MLIP: variants seen among roughly 807,000 people sequenced by gnomAD.
MLIP encodes the protein muscular LMNA-interacting protein.
A neutral mutation model predicts 84.8 loss-of-function variants in MLIP; 79 were observed. That is an observed-to-expected ratio of 0.93 (90% CI 0.78 to 1.12). MLIP has a LOEUF of 1.12. MLIP is among the 50% of genes most tolerant of loss of function. The pLI is 0.00. For synonymous variants in MLIP, 504 were observed against 463.0 expected, an observed-to-expected ratio of 1.09 and a Z score of -1.14; for missense variants, 1,257 against 1,160.6, an observed-to-expected ratio of 1.08 and a Z score of -1.21.
intron 4 of MLIP, among the ~76,000 whole-genome samples, chr6:54,147,225 A>T (rs1269890617): frequency 6.6e-6 from 1 of 152,196 alleles, no homozygotes; most frequent in African/African-American, 2.4e-5. Flanking sequence ...CGTATATTGG[A>T]CACAGGCAGG....
intron 1 of MLIP, among the ~76,000 whole-genome samples, chr6:54,092,090 G>C (rs948248764): frequency 2.0e-5 from 3 of 152,066 alleles, no homozygotes; most frequent in African/African-American, 7.2e-5. Flanking sequence ...CCAAGAGAGA[G>C]GATTAAAAAT....
rs114880533 is a variant in MLIP, at chr6:54,232,549, C to T, written c.2922+1632C>T. Among the ~76,000 whole-genome samples, 320 of 152,216 alleles carry T rather than the reference C, an allele frequency of 2.1e-3. 2 individuals are homozygous for T. The highest frequency in any genetic ancestry group is 7.4e-3 in the African/African-American group (306 of 41,540). On this transcript the variant is annotated intron_variant, in intron 12 of 13. Coordinates refer to ENST00000502396, the MANE Select transcript of MLIP (RefSeq NM_001281747.2). ...TAATAATAATAAGATAGTAATACAACATTTTTAATGGAATGTTCACTTGCT... is the reference window on the plus strand; with the variant it reads ...TAATAATAATAAGATAGTAATACAATATTTTTAATGGAATGTTCACTTGCT...
At chr6:54,108,457 CT>C (rs1769179680), upstream of MLIP, among the ~76,000 whole-genome samples, 1 of 152,100 alleles carries the variant, frequency 6.6e-6, no homozygotes, top group Non-Finnish European at 1.5e-5. Context: ...AGAATGGTTT[CT>C]ATAGAAATTA....
At chr6:54,088,288 T>A (rs913320873) in intron 1 of MLIP, among the ~76,000 whole-genome samples, 2 of 152,098 alleles carry the variant, frequency 1.3e-5, no homozygotes, top group Non-Finnish European at 2.9e-5. Flanking sequence ...CTGGCCTAAG[T>A]GGGAGCACCA....
rs150367831 is a variant in MLIP at position 54,074,773 on chromosome 6, C to T, written c.64-46674C>T. ...CTTGGGCAAATATTCAGTTTTGCTG[C>T]CTTTAAAATGGGGGAAAATATGGAG... On this transcript the variant is annotated intron_variant, in intron 1 of 12. Transcript: ENST00000274897. Among the ~76,000 whole-genome samples the T allele has an allele frequency of 5.2e-3, 785 of 152,076 alleles. 4 individuals are homozygous for T. Among genetic ancestry groups the T allele is most frequent in the Middle Eastern group, 0.014 (4 of 294 alleles).
chr6:54,035,079 C>T (rs893352305), intron 1 of MLIP, among the ~76,000 whole-genome samples: 6 of 152,070 alleles, frequency 3.9e-5, no homozygotes, highest in Non-Finnish European at 8.8e-5. Context: ...CAGATATGGC[C>T]GTATACTATA....
chr6:54,141,622 A>T (rs1263782472), intron 4 of MLIP, among the ~76,000 whole-genome samples: 2 of 151,972 alleles, frequency 1.3e-5, no homozygotes, highest in East Asian at 3.9e-4. Flanking sequence ...TTTGATCAAC[A>T]TCTATATTGT....
chr6:54,019,492 A>T (rs923835327), intron 1 of MLIP, among the ~76,000 whole-genome samples: 1 of 152,222 alleles, frequency 6.6e-6, no homozygotes, highest in Non-Finnish European at 1.5e-5. Flanking sequence ...ATTATAGAAT[A>T]TATTAATGTT....
intron 13 of MLIP, among the ~76,000 whole-genome samples, chr6:54,262,873 T>TA (rs1338978411): frequency 6.6e-6 from 1 of 152,034 alleles, no homozygotes; most frequent in Non-Finnish European, 1.5e-5. Flanking sequence ...CAATTGTTCT[T>TA]ACACTTGGTT....
At chr6:54,173,407 T>C (rs1248474553) in intron 9 of MLIP, among the ~76,000 whole-genome samples, 1 of 151,886 alleles carries the variant, frequency 6.6e-6, no homozygotes, top group Non-Finnish European at 1.5e-5. Flanking sequence ...AGGAATAATT[T>C]CATATTTGGT....
intron 1 of MLIP, among the ~76,000 whole-genome samples, chr6:54,063,998 TG>T (rs1766130443): frequency 5.8e-5 from 3 of 51,636 alleles, no homozygotes; most frequent in East Asian, 5.9e-4. Flanking sequence ...TATTCTTGTT[TG>T]GATTTTTGTT....
At chr6:54,155,787 T>C (rs1445805289) in intron 5 of MLIP, among the ~76,000 whole-genome samples, 1 of 152,110 alleles carries the variant, frequency 6.6e-6, no homozygotes, top group East Asian at 1.9e-4. Flanking sequence ...TTTTCTGCTA[T>C]GAGATTTATT....
intron 12 of MLIP, among the ~76,000 whole-genome samples, chr6:54,251,200 T>G (rs1038321398): frequency 1.3e-5 from 2 of 151,746 alleles, no homozygotes; most frequent in African/African-American, 4.8e-5. Context: ...ATTCATTTCA[T>G]CAATTTATAC....
At chr6:54,158,624 A>T (rs905290251) in intron 5 of MLIP, among the ~76,000 whole-genome samples, 1 of 152,134 alleles carries the variant, frequency 6.6e-6, no homozygotes, top group African/African-American at 2.4e-5. Flanking sequence ...GTCAAGCCAC[A>T]TGAAATTGCC....
At chr6:54,042,198 C>T (rs78963697) in intron 1 of MLIP, among the ~76,000 whole-genome samples, 4,239 of 152,192 alleles carry the variant, frequency 0.028, 188 homozygotes, top group African/African-American at 0.094. Flanking sequence ...CACAGCCTTT[C>T]TGTGAATAAA....
intron 5 of MLIP, among the ~76,000 whole-genome samples, chr6:54,154,081 G>T (rs904938742): frequency 6.6e-6 from 1 of 152,014 alleles, no homozygotes; most frequent in Non-Finnish European, 1.5e-5. Flanking sequence ...TTATCAAATT[G>T]TATTTAATTA....
intron 10 of MLIP, among the ~76,000 whole-genome samples, chr6:54,201,687 A>C (rs925934783): frequency 6.6e-6 from 1 of 152,122 alleles, no homozygotes; most frequent in Non-Finnish European, 1.5e-5. Context: ...TGGGGCATGG[A>C]GGGTGAGCAG....
intron 1 of MLIP, among the ~76,000 whole-genome samples, chr6:54,052,370 C>T (rs1765425060): frequency 6.6e-6 from 1 of 152,168 alleles, no homozygotes; most frequent in Non-Finnish European, 1.5e-5. Context: ...TTAAGTTCGT[C>T]TACCTGTTGT....
intron 4 of MLIP, among the ~76,000 whole-genome samples, chr6:54,143,506 G>T (rs1772512941): frequency 6.6e-6 from 1 of 152,106 alleles, no homozygotes; most frequent in South Asian, 2.1e-4. Context: ...ACACTGGCCA[G>T]GATTTGCATT....
Sources: allele counts gnomAD v4.1 joint callset (sites outside exome capture counted in the v4.1 genomes callset), GRCh38; gene constraint gnomAD v4.1.1; transcripts MANE v1.5; gene names NCBI Gene and HGNC (gene_info 2026-07-23, HGNC 2026-07-21).